Variants in DNER observed in about 807,000 individuals in gnomAD.
DNER encodes the protein delta/notch like EGF repeat containing.
In DNER, 33 loss-of-function variants were observed where a neutral mutation model predicts 78.2. The ratio of observed to expected loss-of-function variants is 0.42; its 90% CI spans 0.32 to 0.56. The LOEUF (loss-of-function observed/expected upper bound fraction) is 0.56, where lower values mean the gene tolerates loss of function less well. DNER is among the 20% of genes least tolerant of loss of function. DNER has a pLI of 0.11. For missense variants in DNER, 918 were observed against 975.3 expected (o/e 0.94, Z 0.78); for synonymous variants, 417 against 384.8 (o/e 1.08, Z -0.98).
intron 1 of DNER, among the ~76,000 whole-genome samples, chr2:229,692,330 A>G (rs1699593046): frequency 1.3e-5 from 2 of 152,198 alleles, no homozygotes; most frequent in Admixed American, 6.5e-5. Context: ...GTGCATGCAT[A>G]TTTAAGATAC....
chr2:229,597,055 G>C (rs536616441), intron 1 of DNER, among the ~76,000 whole-genome samples: 1 of 141,140 alleles, frequency 7.1e-6, no homozygotes, highest in Non-Finnish European at 1.6e-5. Context: ...ACACATGCAC[G>C]CACACACAAA....
intron 1 of DNER, among the ~76,000 whole-genome samples, chr2:229,634,840 G>C (rs934752909): frequency 2.0e-5 from 3 of 152,136 alleles, no homozygotes; most frequent in Non-Finnish European, 4.4e-5. Flanking sequence ...CCGGCCACTT[G>C]TCCCCTTCTG....
chr2:229,425,173 C>G (rs1693846326), intron 8 of DNER, among the ~76,000 whole-genome samples: 1 of 152,148 alleles, frequency 6.6e-6, no homozygotes. Context: ...TACTGCTATC[C>G]CACAGAAGGA....
intron 6 of DNER, among the ~76,000 whole-genome samples, chr2:229,480,343 A>G (rs1286753736): frequency 6.6e-6 from 1 of 152,228 alleles, no homozygotes; most frequent in Non-Finnish European, 1.5e-5. Flanking sequence ...ATGCATTTCT[A>G]GCAAAAGGGG....
At chr2:229,593,977 G>A (rs1697657409) in intron 1 of DNER, among the ~76,000 whole-genome samples, 1 of 152,168 alleles carries the variant, frequency 6.6e-6, no homozygotes, top group African/African-American at 2.4e-5. Flanking sequence ...ACATTACTAA[G>A]GCAAGGACCA....
At chr2:229,499,586 G>C (rs1294269298) in intron 6 of DNER, among the ~76,000 whole-genome samples, 1 of 149,738 alleles carries the variant, frequency 6.7e-6, no homozygotes, top group Non-Finnish European at 1.5e-5. Context: ...TCAATTTAAA[G>C]ACTTAAATAT....
At chr2:229,383,970 C>T (rs1011773454) in intron 11 of DNER, among the ~76,000 whole-genome samples, 1 of 152,166 alleles carries the variant, frequency 6.6e-6, no homozygotes, top group African/African-American at 2.4e-5. Flanking sequence ...CTTCTCAGCA[C>T]CACTTCGCAC....
chr2:229,441,844 A>G (rs1574844881), intron 8 of DNER, among the ~76,000 whole-genome samples: 1 of 152,208 alleles, frequency 6.6e-6, no homozygotes, highest in East Asian at 1.9e-4. Flanking sequence ...AGCTGTAAGC[A>G]TCAGACCAGC....
intron 4 of DNER, among the ~76,000 whole-genome samples, chr2:229,560,988 T>A (rs1029780165): frequency 2.0e-5 from 3 of 152,182 alleles, no homozygotes; most frequent in Non-Finnish European, 1.5e-5. Context: ...ATCCCAGGAT[T>A]TCATGTAGAG....
At chr2:229,607,953 CAG>C (rs1344268226) in intron 1 of DNER, among the ~76,000 whole-genome samples, 1 of 139,822 alleles carries the variant, frequency 7.2e-6, no homozygotes, top group Non-Finnish European at 1.5e-5. Flanking sequence ...ACCCAGGAGG[CAG>C]AGTTTGCAGT....
intron 1 of DNER, among the ~76,000 whole-genome samples, chr2:229,670,475 C>A (rs1054961114): frequency 3.3e-5 from 5 of 152,348 alleles, no homozygotes; most frequent in South Asian, 2.1e-4. Flanking sequence ...GCATTCAAAA[C>A]AACAGACTAG....
At chr2:229,363,117 T>C (rs1252571822) in intron 12 of DNER, among the ~76,000 whole-genome samples, 7 of 152,192 alleles carry the variant, frequency 4.6e-5, no homozygotes. Context: ...TTACAAGCTC[T>C]TCCCTGCCTG....
chr2:229,668,888 A>T (rs1409641722), intron 1 of DNER, among the ~76,000 whole-genome samples: 2 of 152,062 alleles, frequency 1.3e-5, no homozygotes, highest in Non-Finnish European at 2.9e-5. Context: ...CCAAAGAATT[A>T]TAAATTATTC....
intron 1 of DNER, among the ~76,000 whole-genome samples, chr2:229,666,953 C>T (rs183735583): frequency 0.012 from 1,867 of 152,184 alleles, 29 homozygotes; most frequent in Non-Finnish European, 0.019. Flanking sequence ...CAAATCCTGT[C>T]CCTCTGCAGA....
At chr2:229,365,973 G>A (rs72980624) in intron 12 of DNER, among the ~76,000 whole-genome samples, 4 of 152,300 alleles carry the variant, frequency 2.6e-5, no homozygotes, top group African/African-American at 7.2e-5. Flanking sequence ...TCAGTAAAAT[G>A]TTATCTTAGT....
At chr2:229,592,978 T>A (rs559339169) in intron 1 of DNER, among the ~76,000 whole-genome samples, 1 of 152,164 alleles carries the variant, frequency 6.6e-6, no homozygotes, top group Non-Finnish European at 1.5e-5. Context: ...ATTATTCCTA[T>A]CAAGCAACTT....
At chr2:229,668,415 C>A (rs895275760) in intron 1 of DNER, among the ~76,000 whole-genome samples, 144 of 19,962 alleles carry the variant, frequency 7.2e-3, no homozygotes, top group Non-Finnish European at 0.015. Context: ...ATAAAATATT[C>A]TTTTATATAT....
At chr2:229,464,456 C>T (rs4535033) in intron 7 of DNER, among the ~76,000 whole-genome samples, 58,499 of 151,808 alleles carry the variant, frequency 0.39, 13,110 homozygotes, top group African/African-American at 0.63. Context: ...TCAACTCTCC[C>T]TTAATTTGGA....
intron 7 of DNER, among the ~76,000 whole-genome samples, chr2:229,466,587 TCCATAAGAC>T (rs1478681803): frequency 6.6e-6 from 1 of 152,010 alleles, no homozygotes; most frequent in African/African-American, 2.4e-5. Context: ...GGGCCACTAT[TCCATAAGAC>T]CCATGAGGCC....
Sources: gnomAD v4.1 joint callset for allele counts (sites outside exome capture counted in the v4.1 genomes callset) on GRCh38, gnomAD v4.1.1 for gene constraint, MANE v1.5 for transcripts, NCBI Gene and HGNC (gene_info 2026-07-23, HGNC 2026-07-21) for gene names.